GPC5: variants seen among roughly 807,000 people sequenced by gnomAD.
GPC5 encodes the protein glypican-5.
Under a neutral mutation model 53.9 loss-of-function variants are expected in GPC5, and 47 were observed. The ratio of observed to expected loss-of-function variants is 0.87; its 90% CI spans 0.69 to 1.11. The LOEUF is 1.11. Ranked by LOEUF, GPC5 falls within the 50% of genes most tolerant of loss-of-function variation. The pLI is 0.00. For missense variants in GPC5, 748 were observed against 713.1 expected (o/e 1.05, Z -0.56); for synonymous variants, 286 against 263.3 (o/e 1.09, Z -0.84).
chr13:92,692,584 G>T (rs940579440), intron 7 of GPC5, among the ~76,000 whole-genome samples: 4 of 150,608 alleles, frequency 2.7e-5, no homozygotes, highest in Middle Eastern at 3.2e-3. Flanking sequence ...AATGCTAGAT[G>T]ATGAGTTAGT....
rs1231149317 is a variant in GPC5, at chr13:91,571,871, A to ACACACATATACGTGTGTGTG, written c.326-121316_326-121315insCACACATATACGTGTGTGTG. Among the ~76,000 whole-genome samples, 117 of 70,166 alleles carry ACACACATATACGTGTGTGTG rather than the reference A, an allele frequency of 1.7e-3. 16 individuals are homozygous for ACACACATATACGTGTGTGTG. Among genetic ancestry groups the ACACACATATACGTGTGTGTG allele is most frequent in the African/African-American group, 7.5e-3 (89 of 11,882 alleles). 46.0% of individuals were successfully genotyped at this position (70,166 alleles called of 152,430 possible). On this transcript the variant is annotated intron_variant, in intron 2 of 7. Coordinates refer to ENST00000377067, the MANE Select transcript of GPC5 (RefSeq NM_004466.6). ...TATATACACATATACGTGTGTGTAT[A>ACACACATATACGTGTGTGTG]TATACACACATATACGTGTGTATAT...
intron 7 of GPC5, among the ~76,000 whole-genome samples, chr13:92,171,853 C>T (rs2042072931): frequency 6.6e-6 from 1 of 152,180 alleles, no homozygotes; most frequent in South Asian, 2.1e-4. Flanking sequence ...TTCATGCCTG[C>T]TACCCTCATC....
intron 7 of GPC5, among the ~76,000 whole-genome samples, chr13:92,231,837 G>A (rs186017222): frequency 7.2e-5 from 11 of 152,134 alleles, no homozygotes; most frequent in South Asian, 4.2e-4. Flanking sequence ...GTGGTGATGG[G>A]CAGCTGTAAT....
intron 2 of GPC5, among the ~76,000 whole-genome samples, chr13:91,451,680 T>C (rs1370008472): frequency 6.6e-6 from 1 of 151,812 alleles, no homozygotes; most frequent in East Asian, 1.9e-4. Flanking sequence ...TGCGGTGGCA[T>C]GATCTTTGCT....
In GPC5 at chr13:92,320,682, A is replaced by G. The variant is rs866935755; in HGVS notation, c.1561+175693A>G. On this transcript the variant is annotated intron_variant, in intron 7 of 7. Transcript: ENST00000377067. ...TGTCTAAAGTCTCTCTTTCTAATCA[A>G]AGCGGCAACCTTCTTATCTAAACAT... Among the ~76,000 whole-genome samples the G allele has an allele frequency of 1.4e-4, 21 of 152,284 alleles. 1 individual carries two copies. The Middle Eastern group carries it at 0.024, about 173-fold the overall frequency.
In GPC5 at chr13:92,703,847, A is replaced by G. The variant is rs1301597588; in HGVS notation, c.1562-162435A>G. On this transcript the variant is annotated intron_variant, in intron 7 of 7. Coordinates refer to ENST00000377067, the MANE Select transcript of GPC5 (RefSeq NM_004466.6). The stretch of plus-strand genomic sequence containing the variant: ...ATATCGATTTGTAAATAAAGAAATG[A>G]GCAAATCACCTAAAATTTTACACAC... 5.9e-5 allele frequency among the ~76,000 whole-genome samples: 9 copies of G among 152,070 alleles called. No homozygotes were observed. In the East Asian group the frequency reaches 1.7e-3, roughly 29 times the overall value.
intron 7 of GPC5, among the ~76,000 whole-genome samples, chr13:92,638,080 C>T (rs1566335296): frequency 6.6e-6 from 1 of 152,012 alleles, no homozygotes. Context: ...GGGAAGAGAA[C>T]ATCAGTGGGA....
intron 7 of GPC5, among the ~76,000 whole-genome samples, chr13:92,378,046 A>G (rs1268761946): frequency 6.6e-6 from 1 of 151,966 alleles, no homozygotes; most frequent in African/African-American, 2.4e-5. Flanking sequence ...TTCTCTTTCT[A>G]ATGACTTATT....
At chr13:92,332,670 A>G (rs1454300463) in intron 7 of GPC5, among the ~76,000 whole-genome samples, 1 of 152,196 alleles carries the variant, frequency 6.6e-6, no homozygotes, top group African/African-American at 2.4e-5. Flanking sequence ...AACCACTTAC[A>G]AATATTTCAA....
intron 7 of GPC5, among the ~76,000 whole-genome samples, chr13:92,274,890 T>G (rs370865862): frequency 0.085 from 12,993 of 152,158 alleles, 610 homozygotes; most frequent in Middle Eastern, 0.12. Flanking sequence ...TGGGGAACAT[T>G]GGGACCATTT....
chr13:91,467,337 C>T (rs546019489), intron 2 of GPC5, among the ~76,000 whole-genome samples: 17 of 152,266 alleles, frequency 1.1e-4, no homozygotes, highest in Middle Eastern at 3.4e-3. Flanking sequence ...GCTAAGTGAT[C>T]CACGATTCCT....
At chr13:91,912,585 A>T (rs2039619463) in intron 6 of GPC5, among the ~76,000 whole-genome samples, 1 of 152,148 alleles carries the variant, frequency 6.6e-6, no homozygotes, top group South Asian at 2.1e-4. Flanking sequence ...TGTGACATGA[A>T]CTGCTCACCT....
Position 91,398,951 on chromosome 13 carries a change from A to G in GPC5, c.-96A>G. On this transcript the variant is annotated 5_prime_UTR_variant, in exon 1 of 8. Transcript: ENST00000377067. ...CCGCAGCCGGCTCGCACCGCTCGAG[A>G]GCCTCGGCCGCTGTGTCTTCCACGT... The G allele has an allele frequency of 7.0e-7, 1 of 1,437,244 alleles. No homozygotes were observed. The highest frequency in any genetic ancestry group is 9.2e-7 in the Non-Finnish European group (1 of 1,083,774). 89.0% of individuals were successfully genotyped at this position (1,437,244 alleles called of 1,614,324 possible).
chr13:92,395,233 T>C (rs2139328990), intron 7 of GPC5, among the ~76,000 whole-genome samples: 1 of 152,284 alleles, frequency 6.6e-6, no homozygotes, highest in African/African-American at 2.4e-5. Context: ...GATCCAACTT[T>C]ATCTTCTCTT....
intron 2 of GPC5, among the ~76,000 whole-genome samples, chr13:91,677,084 G>A (rs2035401144): frequency 6.6e-6 from 1 of 152,198 alleles, no homozygotes; most frequent in Non-Finnish European, 1.5e-5. Flanking sequence ...CATGACCAAA[G>A]TGGGAAAGCT....
At chr13:91,708,108 G>A (rs950479194) in intron 3 of GPC5, among the ~76,000 whole-genome samples, 2 of 152,130 alleles carry the variant, frequency 1.3e-5, no homozygotes, top group Admixed American at 6.5e-5. Context: ...GACCTCAAGC[G>A]ATTGGGACCT....
intron 7 of GPC5, among the ~76,000 whole-genome samples, chr13:92,709,952 A>G (rs1054148356): frequency 6.6e-6 from 1 of 152,202 alleles, no homozygotes; most frequent in South Asian, 2.1e-4. Context: ...ATTTCTAAGA[A>G]GACTGAATTT....
intron 3 of GPC5, among the ~76,000 whole-genome samples, chr13:91,727,056 G>A (rs1050138232): frequency 1.3e-5 from 2 of 152,140 alleles, no homozygotes; most frequent in East Asian, 1.9e-4. Flanking sequence ...GTGTTACAAC[G>A]TTTTGACATC....
chr13:91,717,766 A>C (rs2036372177), intron 3 of GPC5, among the ~76,000 whole-genome samples: 1 of 152,030 alleles, frequency 6.6e-6, no homozygotes, highest in South Asian at 2.1e-4. Flanking sequence ...CATATTGGCC[A>C]GGCTGGTCTC....
Sources: gnomAD v4.1 joint callset for allele counts (sites outside exome capture counted in the v4.1 genomes callset) on GRCh38, gnomAD v4.1.1 for gene constraint, MANE v1.5 for transcripts, NCBI Gene and HGNC (gene_info 2026-07-23, HGNC 2026-07-21) for gene names.